PHEX: variants seen among roughly 807,000 people sequenced by gnomAD.
The protein encoded by PHEX is phosphate regulating endopeptidase X-linked.
PHEX carries 16 observed loss-of-function variants against 68.0 expected under a neutral mutation model. The observed-to-expected ratio is 0.24, with a 90% CI of 0.16 to 0.36. The LOEUF (loss-of-function observed/expected upper bound fraction) is 0.36. PHEX is among the 10% of genes least tolerant of loss of function. PHEX has a pLI of 1.00. For missense variants in PHEX, 480 were observed against 575.5 expected (o/e 0.83, Z 1.70); for synonymous variants, 208 against 205.1 (o/e 1.01, Z -0.12).
intron 12 of PHEX, among the ~76,000 whole-genome samples, chrX:22,139,701 A>C (rs1932377033): frequency 1.3e-5 from 1 of 74,681 alleles, no homozygotes; most frequent in Admixed American, 1.4e-4. Flanking sequence ...TGGTTTTCTT[A>C]ATTTTTTTTT....
intron 6 of PHEX, among the ~76,000 whole-genome samples, chrX:22,093,762 C>T (rs1237545757): frequency 8.9e-6 from 1 of 112,204 alleles, no homozygotes; most frequent in East Asian, 2.8e-4. Context: ...CTGGACATCT[C>T]TGTCTGTCAT....
At chrX:22,221,890 C>T in intron 18 of PHEX, 147 bp downstream of exon 18, 2 of 550,328 alleles carry the variant, frequency 3.6e-6, no homozygotes, top group African/African-American at 4.6e-5. Context: ...AGTCCTACCC[C>T]ATACCTGCTG....
chrX:22,117,943 A>T (rs1173880798), intron 11 of PHEX, among the ~76,000 whole-genome samples: 1 of 110,575 alleles, frequency 9.0e-6, no homozygotes, highest in Non-Finnish European at 1.9e-5. Flanking sequence ...GGAACCACTG[A>T]TTTACTTGAA....
chrX:22,062,792 G>T (rs923154342), intron 3 of PHEX, among the ~76,000 whole-genome samples: 1 of 111,137 alleles, frequency 9.0e-6, no homozygotes, highest in Non-Finnish European at 1.9e-5. Context: ...ACAGAGTCTT[G>T]CTCTGTTGCC....
chrX:22,116,487 G>A (rs1030234874), intron 11 of PHEX, among the ~76,000 whole-genome samples: 7 of 111,244 alleles, frequency 6.3e-5, no homozygotes, highest in Admixed American at 1.9e-4. Flanking sequence ...GGATGCAGGT[G>A]GTCAATAAAC....
chrX:22,072,648 C>A (rs1928957020), intron 3 of PHEX, among the ~76,000 whole-genome samples: 1 of 111,945 alleles, frequency 8.9e-6, no homozygotes, highest in South Asian at 3.7e-4. Context: ...TTCTACAAAT[C>A]AATAACAAAA....
chrX:22,205,446 C>T (rs1934679770), intron 15 of PHEX, among the ~76,000 whole-genome samples: 1 of 111,311 alleles, frequency 9.0e-6, no homozygotes, highest in Non-Finnish European at 1.9e-5. Context: ...TGTTACTACA[C>T]TTACAAAAGT....
At chrX:22,137,779 T>C (rs1194823549) in intron 12 of PHEX, among the ~76,000 whole-genome samples, 2 of 111,898 alleles carry the variant, frequency 1.8e-5, no homozygotes, top group Admixed American at 1.9e-4. Flanking sequence ...AACCCCTGTC[T>C]TGTCCTTACC....
intron 16 of PHEX, among the ~76,000 whole-genome samples, chrX:22,218,312 G>C (rs1015041816): frequency 1.3e-4 from 14 of 111,239 alleles, no homozygotes; most frequent in African/African-American, 4.3e-4. Context: ...CAAGTCCCAA[G>C]GCCAGTCCAA....
chrX:22,084,654 C>A (rs1208655393), intron 5 of PHEX, among the ~76,000 whole-genome samples: 2 of 106,702 alleles, frequency 1.9e-5, no homozygotes, highest in African/African-American at 3.4e-5. Flanking sequence ...TGATGGGAGA[C>A]CTTTTATTAT....
intron 15 of PHEX, among the ~76,000 whole-genome samples, chrX:22,198,101 G>GTTATATA (rs201489996): frequency 9.8e-6 from 1 of 101,720 alleles, no homozygotes; most frequent in Non-Finnish European, 2.0e-5. Flanking sequence ...TACATTTATA[G>GTTATATA]TTATATATTA....
At chrX:22,171,789 T>C (rs1382273787) in intron 13 of PHEX, 1 of 112,143 alleles carries the variant, frequency 8.9e-6, no homozygotes, top group Non-Finnish European at 1.9e-5. Flanking sequence ...AAGAAACATG[T>C]AGATAAGGAC....
chrX:22,118,860 T>C, intron 11 of PHEX, among the ~76,000 whole-genome samples: 1 of 112,055 alleles, frequency 8.9e-6, no homozygotes, highest in Non-Finnish European at 1.9e-5. Context: ...CATGGGAATT[T>C]AGCAAATTGA....
intron 20 of PHEX, among the ~76,000 whole-genome samples, chrX:22,243,845 T>C (rs943870554): frequency 1.8e-5 from 2 of 112,286 alleles, no homozygotes; most frequent in Admixed American, 1.9e-4. Flanking sequence ...GAGCGTAAAC[T>C]AGTTCAACCA....
intron 2 of PHEX, among the ~76,000 whole-genome samples, chrX:22,046,216 G>C (rs1375539497): frequency 8.9e-6 from 1 of 111,974 alleles, no homozygotes; most frequent in Non-Finnish European, 1.9e-5. Flanking sequence ...CTGCTTCAAA[G>C]GGCAGCTAAA....
At chrX:22,111,704 G>A (rs992584960) in intron 10 of PHEX, 144 bp downstream of exon 10, 5 of 488,796 alleles carry the variant, frequency 1.0e-5, no homozygotes, top group South Asian at 3.0e-5. Context: ...TTTTGTGTGT[G>A]TGTGTGTGCC....
chrX:22,034,030 G>T (rs999656136), intron 1 of PHEX, among the ~76,000 whole-genome samples: 3 of 112,116 alleles, frequency 2.7e-5, no homozygotes. Context: ...AAGAGTTAGG[G>T]TTGTGTGGTT....
intron 5 of PHEX, among the ~76,000 whole-genome samples, chrX:22,088,205 CCA>C: frequency 8.9e-6 from 1 of 111,857 alleles, no homozygotes; most frequent in East Asian, 2.8e-4. Flanking sequence ...CCATTGTATA[CCA>C]CAGTTTATGC....
At chrX:22,071,443 G>T (rs1928898177) in intron 3 of PHEX, among the ~76,000 whole-genome samples, 1 of 111,434 alleles carries the variant, frequency 9.0e-6, no homozygotes. Flanking sequence ...TTGGATGAAA[G>T]TCTCTCTCAG....
Sources: gnomAD v4.1 joint callset for allele counts (sites outside exome capture counted in the v4.1 genomes callset) on GRCh38, gnomAD v4.1.1 for gene constraint, MANE v1.5 for transcripts, NCBI Gene and HGNC (gene_info 2026-07-23, HGNC 2026-07-21) for gene names.